Variants in TMEM150C observed in about 807,000 individuals in gnomAD.
TMEM150C encodes the protein transmembrane protein 150C.
In TMEM150C, 10 loss-of-function variants were observed where a neutral mutation model predicts 29.9. The ratio of observed to expected loss-of-function variants is 0.33; its 90% confidence interval spans 0.21 to 0.57. TMEM150C has a LOEUF of 0.57. TMEM150C is among the 20% of genes least tolerant of loss of function. The pLI is 0.88. For missense variants in TMEM150C, 251 were observed against 303.6 expected (o/e 0.83, Z 1.29); for synonymous variants, 101 against 112.5 (o/e 0.90, Z 0.64).
chr4:82,548,566 C>G (rs2110091279), intron 1 of TMEM150C, among the ~76,000 whole-genome samples: 1 of 152,192 alleles, frequency 6.6e-6, no homozygotes, highest in African/African-American at 2.4e-5. Context: ...AAAGTGGCTC[C>G]CCAAATTGCT....
intron 5 of TMEM150C, among the ~76,000 whole-genome samples, chr4:82,498,117 C>T (rs903576802): frequency 7.9e-5 from 12 of 151,976 alleles, no homozygotes; most frequent in African/African-American, 2.2e-4. Flanking sequence ...TGGGTTCAAG[C>T]GGTTCTCCTG....
intron 1 of TMEM150C, among the ~76,000 whole-genome samples, chr4:82,515,610 G>A (rs59936078): frequency 0.076 from 11,618 of 151,892 alleles, 520 homozygotes; most frequent in African/African-American, 0.13. Context: ...GGTGGCACGC[G>A]CCTATAATCC....
At chr4:82,543,912 TC>T (rs1334502554) in intron 1 of TMEM150C, among the ~76,000 whole-genome samples, 1 of 152,198 alleles carries the variant, frequency 6.6e-6, no homozygotes, top group Non-Finnish European at 1.5e-5. Flanking sequence ...CCCTTCAATG[TC>T]CCCTAAGGGA....
chr4:82,518,826 T>C (rs1441014392), intron 1 of TMEM150C, among the ~76,000 whole-genome samples: 2 of 151,960 alleles, frequency 1.3e-5, no homozygotes, highest in Non-Finnish European at 2.9e-5. Flanking sequence ...CTTGGTAGAG[T>C]ACAAAAAAAT....
intron 1 of TMEM150C, among the ~76,000 whole-genome samples, chr4:82,507,922 A>AT (rs1206573057): frequency 1.3e-5 from 2 of 150,264 alleles, no homozygotes; most frequent in African/African-American, 4.9e-5. Context: ...AATTTTTTGT[A>AT]TTTTTTGTAG....
chr4:82,534,589 C>T (rs1268490851), intron 1 of TMEM150C, among the ~76,000 whole-genome samples: 3 of 152,186 alleles, frequency 2.0e-5, no homozygotes, highest in South Asian at 2.1e-4. Flanking sequence ...CAGCGTATCT[C>T]TAAATGGGGT....
Position 82,496,079 on chromosome 4 carries a change from C to T in TMEM150C, c.352G>A (p.Gly118Ser). ...CLASFGMTLL[G>S]NFQLTNDEEI... ...GCCAAATCAAGTACCTGAAAATTAC[C>T]AAGTAAGGTCATTCCGAAGGAAGCC... The change falls in exon 6 of 8, where the codon GGT (glycine) becomes AGT (serine). Residue 118 changes from glycine (G) to serine (S), a missense_variant. Transcript: ENST00000449862. The T allele has an allele frequency of 6.2e-7, 1 of 1,613,870 alleles. No individual in the cohort carries two copies. Among genetic ancestry groups the T allele is most frequent in the Non-Finnish European group, 8.5e-7 (1 of 1,179,858 alleles).
chr4:82,538,160 C>T (rs539475323), intron 1 of TMEM150C, among the ~76,000 whole-genome samples: 27 of 152,226 alleles, frequency 1.8e-4, no homozygotes, highest in African/African-American at 4.6e-4. Flanking sequence ...CAGATTCAAG[C>T]GATTCTCCTG....
intron 1 of TMEM150C, among the ~76,000 whole-genome samples, chr4:82,554,047 A>G (rs1327988201): frequency 1.3e-5 from 2 of 152,204 alleles, no homozygotes; most frequent in Non-Finnish European, 2.9e-5. Flanking sequence ...CAGGAGATAA[A>G]TATGGTTTTT....
intron 1 of TMEM150C, among the ~76,000 whole-genome samples, chr4:82,548,115 T>C (rs1725445399): frequency 6.6e-6 from 1 of 152,012 alleles, no homozygotes; most frequent in Non-Finnish European, 1.5e-5. Context: ...GAAAAACAAA[T>C]ACCGTACGTT....
intron 6 of TMEM150C, chr4:82,494,862 G>C: frequency 2.2e-6 from 1 of 462,214 alleles, no homozygotes; most frequent in Non-Finnish European, 4.2e-6. Context: ...TTCAGACTTA[G>C]AAGCAGAAGC....
At chr4:82,503,204 A>G (rs758226710) in intron 2 of TMEM150C, 92 bp from the exon 3 acceptor site, 1 of 892,772 alleles carries the variant, frequency 1.1e-6, no homozygotes, top group South Asian at 1.7e-5. Context: ...ACTAATTCAT[A>G]TTCATTTTTT....
Position 82,529,039 on chromosome 4 carries a change from A to AG in TMEM150C, c.-10-24373dup, listed in dbSNP as rs1158664984. Among the ~76,000 whole-genome samples the AG allele has an allele frequency of 3.3e-5, 5 of 151,576 alleles. No individual in the cohort carries two copies. The South Asian group carries it at 6.2e-4, about 19-fold the overall frequency. The stretch of plus-strand genomic sequence containing the variant: ...GTGGTAATAGAGGGAACATGAAAGC[A>AG]GGGGGCAGTCAGCACACACGGAGAG... On this transcript the variant is annotated intron_variant, in intron 1 of 7. Transcript: ENST00000449862.
Position 82,485,637 on chromosome 4 carries a change from A to G in TMEM150C, c.624T>C (p.Phe208=). 6.2e-7 allele frequency: 1 copy of G among 1,610,008 alleles called. No individual in the cohort carries two copies. Among genetic ancestry groups the G allele is most frequent in the Non-Finnish European group, 8.5e-7 (1 of 1,178,098 alleles). ...GCCGGAACTCCACGGCAAAGGTGCCAAAATAAGACAGGAAGCACATGACCA... is the reference window on the plus strand; with the variant it reads ...GCCGGAACTCCACGGCAAAGGTGCCGAAATAAGACAGGAAGCACATGACCA... ...WGLVMCFLSY[F]GTFAVEFRHY... is the part of the protein sequence containing the mutation. The change falls in exon 8 of 8, where the codon TTT becomes TTC. Residue 208 remains phenylalanine, a synonymous_variant. Coordinates refer to ENST00000449862, the MANE Select transcript of TMEM150C (RefSeq NM_001080506.3).
At chr4:82,490,898 C>A in intron 6 of TMEM150C, 1 of 711,336 alleles carries the variant, frequency 1.4e-6, no homozygotes, top group East Asian at 2.7e-5. Context: ...ACTTGGGACC[C>A]AGGACATTGC....
At chr4:82,556,757 A>G (rs1417525798) in intron 1 of TMEM150C, among the ~76,000 whole-genome samples, 3 of 152,212 alleles carry the variant, frequency 2.0e-5, no homozygotes, top group East Asian at 1.9e-4. Flanking sequence ...GCTATTGTGC[A>G]TTATAAATCT....
chr4:82,503,158 G>T, intron 2 of TMEM150C, 46 bp from the exon 3 acceptor site: 1 of 1,389,094 alleles, frequency 7.2e-7, no homozygotes, highest in African/African-American at 1.4e-5. Context: ...TTGGAAAAAA[G>T]AATCATTTGT....
chr4:82,507,260 C>T (rs2110071497), intron 1 of TMEM150C, among the ~76,000 whole-genome samples: 1 of 152,270 alleles, frequency 6.6e-6, no homozygotes, highest in Non-Finnish European at 1.5e-5. Flanking sequence ...AGAATGACAA[C>T]TTGTTAATGT....
At position 82,509,480 on chromosome 4, in the gene TMEM150C, T is replaced by A. The variant is rs142970589; in HGVS notation, c.-10-4813A>T. On this transcript the variant is annotated intron_variant, in intron 1 of 7. Coordinates refer to ENST00000449862, the MANE Select transcript of TMEM150C (RefSeq NM_001080506.3). ...AAGACTCTTAACTCCTTTAGTTGGT[T>A]TGAAAAGGGGGTCTTTATAAAGTCA... is the stretch of plus-strand genomic sequence containing the variant. Among the ~76,000 whole-genome samples the A allele has an allele frequency of 2.2e-3, 341 of 152,134 alleles. 1 individual carries two copies. Among genetic ancestry groups the A allele is most frequent in the Non-Finnish European group, 2.4e-3 (160 of 67,968 alleles).
Sources: gnomAD v4.1 joint callset for allele counts (sites outside exome capture counted in the v4.1 genomes callset) on GRCh38, gnomAD v4.1.1 for gene constraint, MANE v1.5 for transcripts, NCBI Gene and HGNC (gene_info 2026-07-23, HGNC 2026-07-21) for gene names.